The following FIGN variants were observed in gnomAD, a reference collection of about 807,000 sequenced individuals.
FIGN encodes the protein fidgetin.
In FIGN, 11 loss-of-function variants were observed where a neutral mutation model predicts 51.3. That is an observed-to-expected ratio of 0.21 (90% confidence interval 0.13 to 0.35). The LOEUF is 0.35. FIGN is among the 10% of genes least tolerant of loss of function. FIGN has a pLI of 1.00. For missense variants in FIGN, 857 were observed against 943.6 expected, an observed-to-expected ratio of 0.91 and a Z score of 1.20; for synonymous variants, 407 against 363.2, an observed-to-expected ratio of 1.12 and a Z score of -1.37.
chr2:163,705,077 GATGT>G (rs1684477592), intron 2 of FIGN, among the ~76,000 whole-genome samples: 1 of 152,056 alleles, frequency 6.6e-6, no homozygotes, highest in South Asian at 2.1e-4. Context: ...CTTCTAAATG[GATGT>G]ATGTTTTTAT....
At chr2:163,714,307 A>C (rs564184713) in intron 2 of FIGN, among the ~76,000 whole-genome samples, 1 of 152,316 alleles carries the variant, frequency 6.6e-6, no homozygotes, top group Admixed American at 6.5e-5. Context: ...ACCAGACTGC[A>C]CAGAACTATT....
chr2:163,614,880 T>G (rs1296477213), intron 2 of FIGN, among the ~76,000 whole-genome samples: 2 of 152,160 alleles, frequency 1.3e-5, no homozygotes, highest in Non-Finnish European at 2.9e-5. Flanking sequence ...AATGTTTTCT[T>G]GTAAATATAT....
At chr2:163,669,033 T>TATATAC (rs1165076478) in intron 2 of FIGN, among the ~76,000 whole-genome samples, 1 of 148,630 alleles carries the variant, frequency 6.7e-6, no homozygotes, top group African/African-American at 2.5e-5. Context: ...TATATATATA[T>TATATAC]ATACACTATA....
intron 2 of FIGN, among the ~76,000 whole-genome samples, chr2:163,638,627 T>C (rs138099763): frequency 6.6e-6 from 1 of 152,294 alleles, no homozygotes; most frequent in Non-Finnish European, 1.5e-5. Flanking sequence ...AAGATGAACA[T>C]TTCAGTTACT....
At chr2:163,641,681 G>A (rs1683308365) in intron 2 of FIGN, among the ~76,000 whole-genome samples, 1 of 152,254 alleles carries the variant, frequency 6.6e-6, no homozygotes, top group Admixed American at 6.5e-5. Context: ...AGAAGAAAAT[G>A]AGATTGCAAT....
Position 163,707,291 on chromosome 2 carries a change from C to A in FIGN, c.25+27612G>T, listed in dbSNP as rs1423748505. Among the ~76,000 whole-genome samples, 5 of 151,930 alleles carry A rather than the reference C, an allele frequency of 3.3e-5. No individual in the cohort carries two copies. In the East Asian group the frequency reaches 7.8e-4, roughly 24 times the overall value. On this transcript the variant is annotated intron_variant, in intron 2 of 2. Transcript: ENST00000333129. ...TTGAATCCAGGAGGTGGAGGTTGCA[C>A]CTTGCAGTGGGTCAAGATCGCGCCA...
chr2:163,695,825 C>T (rs372741912), intron 2 of FIGN, among the ~76,000 whole-genome samples: 21 of 152,168 alleles, frequency 1.4e-4, no homozygotes, highest in African/African-American at 3.6e-4. Flanking sequence ...AAAAATAGCA[C>T]GGCCAGGCAC....
At chr2:163,621,653 G>T (rs960475406) in intron 2 of FIGN, among the ~76,000 whole-genome samples, 1 of 152,066 alleles carries the variant, frequency 6.6e-6, no homozygotes, top group African/African-American at 2.4e-5. Flanking sequence ...TAGTGAAATA[G>T]ACCTGGTGAA....
chr2:163,713,607 A>T (rs1180634493), intron 2 of FIGN, among the ~76,000 whole-genome samples: 1 of 152,164 alleles, frequency 6.6e-6, no homozygotes, highest in Non-Finnish European at 1.5e-5. Context: ...TTCTAGTTTA[A>T]ATGATGTACC....
chr2:163,664,612 TA>T (rs1374573978), intron 2 of FIGN, among the ~76,000 whole-genome samples: 1 of 152,226 alleles, frequency 6.6e-6, no homozygotes, highest in East Asian at 1.9e-4. Flanking sequence ...CTCCTATATT[TA>T]AACCAGCTCT....
intron 2 of FIGN, among the ~76,000 whole-genome samples, chr2:163,616,259 G>C (rs1682875750): frequency 6.6e-6 from 1 of 152,080 alleles, no homozygotes; most frequent in Admixed American, 6.6e-5. Flanking sequence ...TTCTGCCACA[G>C]CTATAAAATT....
intron 2 of FIGN, among the ~76,000 whole-genome samples, chr2:163,718,742 A>G (rs1684708315): frequency 6.6e-6 from 1 of 152,146 alleles, no homozygotes; most frequent in Non-Finnish European, 1.5e-5. Flanking sequence ...CCCATATCAA[A>G]TAAGTGAAAG....
chr2:163,674,923 G>A (rs1683933562), intron 2 of FIGN, among the ~76,000 whole-genome samples: 1 of 152,110 alleles, frequency 6.6e-6, no homozygotes, highest in Non-Finnish European at 1.5e-5. Flanking sequence ...TAGCTCATAG[G>A]TGGAACTTGA....
intron 2 of FIGN, among the ~76,000 whole-genome samples, chr2:163,614,463 C>A (rs1290997575): frequency 6.6e-6 from 1 of 152,102 alleles, no homozygotes. Flanking sequence ...AAGAGACCTA[C>A]AAATTCATTA....
intron 2 of FIGN, among the ~76,000 whole-genome samples, chr2:163,643,005 A>C (rs1561609): frequency 6.6e-6 from 1 of 151,812 alleles, no homozygotes; most frequent in Non-Finnish European, 1.5e-5. Context: ...CAGAATCCCA[A>C]ATTACTTATT....
chr2:163,647,689 G>A (rs1022503485), intron 2 of FIGN, among the ~76,000 whole-genome samples: 1 of 152,110 alleles, frequency 6.6e-6, no homozygotes, highest in African/African-American at 2.4e-5. Context: ...AAACAAGAGG[G>A]AAAACTATTC....
intron 2 of FIGN, among the ~76,000 whole-genome samples, chr2:163,714,829 T>C (rs1042502802): frequency 6.6e-6 from 1 of 152,232 alleles, no homozygotes; most frequent in Admixed American, 6.5e-5. Flanking sequence ...AGTTTCAACC[T>C]AATACATTCA....
At chr2:163,651,960 T>A (rs1683484241) in intron 2 of FIGN, among the ~76,000 whole-genome samples, 1 of 152,206 alleles carries the variant, frequency 6.6e-6, no homozygotes, top group South Asian at 2.1e-4. Flanking sequence ...GAACTTAGGA[T>A]ATTCATTGAT....
intron 2 of FIGN, among the ~76,000 whole-genome samples, chr2:163,699,730 GT>G (rs1458425001): frequency 2.0e-5 from 3 of 152,128 alleles, no homozygotes; most frequent in Non-Finnish European, 2.9e-5. Context: ...AGAATCTGTA[GT>G]GAATTTTTGA....
Sources: allele counts gnomAD v4.1 joint callset (sites outside exome capture counted in the v4.1 genomes callset), GRCh38; gene constraint gnomAD v4.1.1; transcripts MANE v1.5; gene names NCBI Gene and HGNC (gene_info 2026-07-23, HGNC 2026-07-21).